Variants in FAM20C observed in about 807,000 individuals in gnomAD.
FAM20C encodes the protein extracellular serine/threonine protein kinase FAM20C.
A neutral mutation model predicts 51.5 loss-of-function variants in FAM20C; 40 were observed. The observed-to-expected ratio is 0.78, with a 90% CI of 0.60 to 1.01. The LOEUF is 1.01. Ranked by LOEUF, FAM20C falls within the 50% of genes least tolerant of loss-of-function variation. The probability of loss-of-function intolerance (pLI) is 0.00; values close to 1 mark genes in which losing one functional copy is unlikely to be tolerated. For synonymous variants in FAM20C, 406 were observed against 380.6 expected (o/e 1.07, Z -0.78); for missense variants, 861 against 844.7 (o/e 1.02, Z -0.24).
intron 3 of FAM20C, among the ~76,000 whole-genome samples, chr7:211,556 C>T (rs1039701480): frequency 8.5e-5 from 13 of 152,094 alleles, no homozygotes; most frequent in Non-Finnish European, 1.6e-4. Flanking sequence ...TGGCGCCAGG[C>T]TCCAGAGCCC....
chr7:206,016 G>A (rs1786362415), intron 2 of FAM20C, among the ~76,000 whole-genome samples: 1 of 151,840 alleles, frequency 6.6e-6, no homozygotes, highest in South Asian at 2.1e-4. Context: ...GCAGGGCTGG[G>A]CCCTCCCCGA....
chr7:259,930 G>A lies in FAM20C; in HGVS notation c.1705G>A (p.Val569Met), dbSNP rs761899411. ...CGTGGAGAGGAACGGGCTCCACAGC[G>A]TGGTGGATGACGACCTGGACACTGA... Reference protein sequence around the residue: ...DCVERNGLHSVVDDDLDTEHR... With the variant: ...DCVERNGLHSMVDDDLDTEHR... Residue 569 changes from valine (V) to methionine (M), a missense_variant, in exon 10 of 10, where the codon GTG (valine) becomes ATG (methionine). By Grantham distance (21) the Val-to-Met change is conservative (BLOSUM62 1). This residue lies in a region of FAM20C where 269 missense variants were observed against 283.8 expected (regional missense o/e 0.95). Coordinates refer to ENST00000313766, the MANE Select transcript of FAM20C (RefSeq NM_020223.4). 87 of 1,532,264 alleles carry A rather than the reference G, an allele frequency of 5.7e-5. No homozygotes were observed. The highest frequency in any genetic ancestry group is 1.4e-4 in the Admixed American group (7 of 50,924). 94.9% of individuals were successfully genotyped at this position (1,532,264 alleles called of 1,614,324 possible). A position where few individuals can be genotyped will look rare whatever the true frequency, so the allele number is the denominator to read the frequency against.
At position 199,785 on chromosome 7, in the gene FAM20C, G is replaced by T. The variant is rs189042089; in HGVS notation, c.784+4053G>T. ...CTACCTCTATTCAGCTTGAAATCGG[G>T]CATGCAGTGCCTTGGGCTGGGGCTG... On this transcript the variant is annotated intron_variant, in intron 2 of 9. Transcript: ENST00000313766. Among the ~76,000 whole-genome samples, 22 of 152,280 alleles carry T rather than the reference G, an allele frequency of 1.4e-4. No homozygotes were observed. The East Asian group carries it at 4.1e-3, about 28-fold the overall frequency.
chr7:240,335 GATT>G (rs1211912422), intron 3 of FAM20C, among the ~76,000 whole-genome samples: 938 of 74,648 alleles, frequency 0.013, 159 homozygotes, highest in South Asian at 0.025. Flanking sequence ...TGGAGGTGAT[GATT>G]ATGATGTTGA....
chr7:248,658 C>T (rs1035564322), intron 5 of FAM20C, among the ~76,000 whole-genome samples: 2 of 143,590 alleles, frequency 1.4e-5, no homozygotes, highest in African/African-American at 2.6e-5. Flanking sequence ...GGTAGCCTGG[C>T]ACGGGGGCCC....
At chr7:208,399 G>GT (rs1554249347) in intron 2 of FAM20C, among the ~76,000 whole-genome samples, 1 of 150,064 alleles carries the variant, frequency 6.7e-6, no homozygotes, top group African/African-American at 2.4e-5. Flanking sequence ...ACATGACTGT[G>GT]GGGTGTGTGC....
intron 2 of FAM20C, among the ~76,000 whole-genome samples, chr7:200,110 C>T (rs1437125545): frequency 5.9e-5 from 9 of 152,220 alleles, no homozygotes; most frequent in South Asian, 2.1e-4. Context: ...GGTCAGCCCA[C>T]GAGAGGGAGC....
chr7:241,853 G>A (rs1486951415), intron 3 of FAM20C, among the ~76,000 whole-genome samples: 1 of 151,184 alleles, frequency 6.6e-6, no homozygotes. Context: ...GAGCGTGCAG[G>A]TGTGTGTGTG....
intron 3 of FAM20C, among the ~76,000 whole-genome samples, chr7:237,409 G>A (rs979499658): frequency 5.3e-5 from 8 of 152,238 alleles, no homozygotes; most frequent in Non-Finnish European, 4.4e-5. Flanking sequence ...TGCAGTATGC[G>A]TTCACAGCAA....
chr7:233,224 C>G (rs1022770787), intron 3 of FAM20C, among the ~76,000 whole-genome samples: 3 of 152,196 alleles, frequency 2.0e-5, no homozygotes, highest in Admixed American at 1.3e-4. Flanking sequence ...TGGTGTTTGT[C>G]ACCCTCTCTC....
chr7:229,054 C>A, intron 3 of FAM20C: 1 of 351,596 alleles, frequency 2.8e-6, no homozygotes, highest in Non-Finnish European at 5.6e-6. Flanking sequence ...CAAGATGCCT[C>A]CCTGTCAGCC....
chr7:254,391 C>T (rs532018157), intron 5 of FAM20C, among the ~76,000 whole-genome samples: 4 of 152,316 alleles, frequency 2.6e-5, no homozygotes, highest in African/African-American at 7.2e-5. Flanking sequence ...GGGCTCCGGC[C>T]CCAACAAAAC....
At chr7:198,221 A>G (rs1785972350) in intron 2 of FAM20C, among the ~76,000 whole-genome samples, 1 of 152,196 alleles carries the variant, frequency 6.6e-6, no homozygotes, top group African/African-American at 2.4e-5. Flanking sequence ...GGGCAGACAC[A>G]GCCGCATCAC....
At chr7:231,508 G>A (rs1198292465) in intron 3 of FAM20C, among the ~76,000 whole-genome samples, 8 of 151,528 alleles carry the variant, frequency 5.3e-5, no homozygotes, top group African/African-American at 7.3e-5. Flanking sequence ...CGAGGGCCCC[G>A]TGGGAGGAGG....
At chr7:220,949 CCG>C (rs1294637715) in intron 3 of FAM20C, among the ~76,000 whole-genome samples, 7 of 150,680 alleles carry the variant, frequency 4.6e-5, no homozygotes, top group East Asian at 2.0e-4. Flanking sequence ...GCTGCAGGAG[CCG>C]TTCTTAGCAT....
intron 3 of FAM20C, among the ~76,000 whole-genome samples, chr7:242,780 T>C (rs1389157620): frequency 6.6e-6 from 1 of 152,036 alleles, no homozygotes. Context: ...GCGCAGAAGG[T>C]CACGTCCATC....
At chr7:242,011 A>G (rs1024340131) in intron 3 of FAM20C, among the ~76,000 whole-genome samples, 1 of 152,154 alleles carries the variant, frequency 6.6e-6, no homozygotes, top group African/African-American at 2.4e-5. Context: ...CCCCATGCCA[A>G]CGCTCAGTGG....
At chr7:259,032 G>A (rs1310505935) in intron 9 of FAM20C, among the ~76,000 whole-genome samples, 2 of 152,246 alleles carry the variant, frequency 1.3e-5, no homozygotes, top group Non-Finnish European at 2.9e-5. Flanking sequence ...GCACGCAGCT[G>A]CCGGTCTCTG....
rs557159232 is a variant in FAM20C at position 260,171 on chromosome 7, G to T, written c.*191G>T. The T allele has an allele frequency of 4.9e-6, 4 of 813,144 alleles. No individual in the cohort carries two copies. In the East Asian group the frequency reaches 1.2e-4, roughly 24 times the overall value. 50.4% of individuals were successfully genotyped at this position (813,144 alleles called of 1,614,324 possible). ...ATTTTGTCAGTGTTTGACCAGAAAA[G>T]CTTGGGAAGGAAGCGCTGTCTGTGC... On this transcript the variant is annotated 3_prime_UTR_variant, in exon 10 of 10. Transcript: ENST00000313766.
Sources: gnomAD v4.1 joint callset for allele counts (sites outside exome capture counted in the v4.1 genomes callset) on GRCh38, gnomAD v4.1.1 for gene constraint, gnomAD v4.1.1 regional missense constraint, MANE v1.5 for transcripts, NCBI Gene and HGNC (gene_info 2026-07-23, HGNC 2026-07-21) for gene names.